COL4A3: variants seen among roughly 807,000 people sequenced by gnomAD.
The protein encoded by COL4A3 is collagen type IV alpha 3 chain.
In COL4A3, 135 loss-of-function variants were observed where a neutral mutation model predicts 217.4. The observed-to-expected ratio is 0.62, with a 90% CI of 0.54 to 0.72. The LOEUF (loss-of-function observed/expected upper bound fraction) is 0.72. COL4A3 is among the 30% of genes least tolerant of loss of function. The pLI is 0.00. For missense variants in COL4A3, 1,868 were observed against 2,119.9 expected, an observed-to-expected ratio of 0.88 and a Z score of 2.33; for synonymous variants, 690 against 736.3, an observed-to-expected ratio of 0.94 and a Z score of 1.02.
intron 1 of COL4A3, among the ~76,000 whole-genome samples, chr2:227,171,872 C>T (rs912381742): frequency 1.3e-5 from 2 of 152,180 alleles, no homozygotes; most frequent in African/African-American, 2.4e-5. Context: ...AGGCAAGTGC[C>T]TCGTTTCACC....
At chr2:227,213,478 T>G (rs10933170) in intron 1 of COL4A3, among the ~76,000 whole-genome samples, 84,473 of 152,030 alleles carry the variant, frequency 0.56, 25,359 homozygotes, top group Non-Finnish European at 0.68. Flanking sequence ...GTAAAGCCAT[T>G]ATTAGCTCAA....
Position 227,263,813 on chromosome 2 carries a change from G to A in COL4A3, c.1184G>A (p.Gly395Glu), listed in dbSNP as rs1131691738. 1.7e-5 allele frequency: 28 copies of A among 1,614,076 alleles called. No homozygotes were observed. The highest frequency in any genetic ancestry group is 2.3e-5 in the Non-Finnish European group (27 of 1,179,948). ...SSRPGLRGAP[G>E]WPGLKGSKGE... is the part of the protein sequence containing the mutation. ...AGGCCTGGCCTCAGAGGAGCCCCTG[G>A]ATGGCCAGGCCTGAAAGGAAGTAAA... is the stretch of plus-strand genomic sequence containing the variant. Residue 395 changes from glycine (G) to glutamate (E), a missense_variant, in exon 21 of 52, where the codon GGA (glycine) becomes GAA (glutamate). Physicochemically the swap from Gly to Glu is moderately conservative, Grantham distance 98. Coordinates refer to ENST00000396578, the MANE Select transcript of COL4A3 (RefSeq NM_000091.5).
At chr2:227,175,885 A>G (rs1021714349) in intron 1 of COL4A3, among the ~76,000 whole-genome samples, 6 of 152,212 alleles carry the variant, frequency 3.9e-5, no homozygotes, top group African/African-American at 1.2e-4. Context: ...CCACATATAA[A>G]ATGGTGTGAT....
chr2:227,192,988 C>G (rs900690169), intron 1 of COL4A3, among the ~76,000 whole-genome samples: 1 of 152,234 alleles, frequency 6.6e-6, no homozygotes, highest in South Asian at 2.1e-4. Flanking sequence ...TCAAATCACT[C>G]TAAGCTTTCT....
intron 34 of COL4A3, 63 bp from the exon 35 acceptor site, chr2:227,289,087 A>AT: frequency 7.7e-7 from 1 of 1,292,532 alleles, no homozygotes; most frequent in Non-Finnish European, 1.1e-6. Context: ...CGTAGCTGGG[A>AT]TTACAGGCAC....
intron 43 of COL4A3, among the ~76,000 whole-genome samples, chr2:227,302,677 C>CAAAAAGAAAAAATAAAAAAAAAA (rs2073340365): frequency 1.3e-5 from 1 of 79,916 alleles, no homozygotes; most frequent in Non-Finnish European, 2.2e-5. Context: ...ACTCTTTCTC[C>CAAAAAGAAAAAATAAAAAAAAAA]AAAAAAAAAA....
At chr2:227,200,277 G>A (rs543185549) in intron 1 of COL4A3, among the ~76,000 whole-genome samples, 2 of 152,250 alleles carry the variant, frequency 1.3e-5, no homozygotes, top group South Asian at 4.1e-4. Context: ...TTTTCCATTA[G>A]AACATTCTTG....
rs570294686 is a variant in COL4A3, at chr2:227,172,650, T to C, written c.87+7837T>C. 9.2e-5 allele frequency among the ~76,000 whole-genome samples: 13 copies of C among 140,944 alleles called. No homozygotes were observed. The South Asian group carries it at 2.8e-3, about 31-fold the overall frequency. The allele number at this position is 140,944 out of a possible 152,430, so 92.5% of individuals were successfully genotyped here. A position where few individuals can be genotyped will look rare whatever the true frequency, so the allele number is the denominator to read the frequency against. On this transcript the variant is annotated intron_variant, in intron 1 of 51. Transcript: ENST00000396578. ...TGCCCAGGCTAAAGTGCAGTGGCACTATCTTGGTTCACTGCAACCTCTGCC... is the reference window on the plus strand; with the variant it reads ...TGCCCAGGCTAAAGTGCAGTGGCACCATCTTGGTTCACTGCAACCTCTGCC...
At chr2:227,172,463 AAGAC>A (rs2065516003) in intron 1 of COL4A3, among the ~76,000 whole-genome samples, 2 of 151,992 alleles carry the variant, frequency 1.3e-5, no homozygotes, top group South Asian at 4.2e-4. Flanking sequence ...GTTGGGGAGA[AAGAC>A]AGAGAGAGAG....
At chr2:227,225,310 C>T (rs2068027582) in intron 1 of COL4A3, among the ~76,000 whole-genome samples, 1 of 152,202 alleles carries the variant, frequency 6.6e-6, no homozygotes. Flanking sequence ...TAATATGCGT[C>T]TCCACCTGCC....
At chr2:227,272,152 T>A (rs540566342) in intron 25 of COL4A3, among the ~76,000 whole-genome samples, 1 of 152,246 alleles carries the variant, frequency 6.6e-6, no homozygotes, top group Non-Finnish European at 1.5e-5. Flanking sequence ...GTGGTAGTTA[T>A]GCTTATAAAG....
chr2:227,282,528 A>G lies in COL4A3; in HGVS notation c.2652A>G (p.Pro884=). The G allele has an allele frequency of 6.2e-7, 1 of 1,613,360 alleles. No individual in the cohort carries two copies. Among genetic ancestry groups the G allele is most frequent in the Non-Finnish European group, 8.5e-7 (1 of 1,179,614 alleles). ...CAGGAAATCCGGGAATTTTAGGGCC[A>G]CCAGGTATCCTTTTGTGTGTTTCTA... ...GYPGNPGILG[P]PGEDGVIGMM... The change falls in exon 32 of 52, where the codon CCA becomes CCG. Residue 884 remains proline, a synonymous_variant. Coordinates refer to ENST00000396578, the MANE Select transcript of COL4A3 (RefSeq NM_000091.5). The surrounding 1 kb of genome is among the most constrained non-coding windows in gnomAD (Gnocchi z 4.4).
At chr2:227,309,354 A>T in intron 50 of COL4A3, 36 bp downstream of exon 50, 1 of 1,492,402 alleles carries the variant, frequency 6.7e-7, no homozygotes, top group Non-Finnish European at 9.3e-7. Flanking sequence ...TAGGGTAAAG[A>T]CTACCTGTAG....
chr2:227,178,152 T>G (rs541764786), intron 1 of COL4A3, among the ~76,000 whole-genome samples: 5 of 152,218 alleles, frequency 3.3e-5, no homozygotes, highest in African/African-American at 1.2e-4. Flanking sequence ...GGGCAAAAAG[T>G]TCACTGTATT....
At chr2:227,246,786 A>G (rs767127367) in intron 7 of COL4A3, 48 bp downstream of exon 7, 1 of 1,469,688 alleles carries the variant, frequency 6.8e-7, no homozygotes, top group South Asian at 1.1e-5. Flanking sequence ...AGTATAAATA[A>G]CAGTGGTCTA....
At chr2:227,188,191 C>G (rs1018230852) in intron 1 of COL4A3, among the ~76,000 whole-genome samples, 2 of 152,026 alleles carry the variant, frequency 1.3e-5, no homozygotes, top group African/African-American at 4.8e-5. Context: ...TTAGAGGAAT[C>G]CTGGCTTCTT....
In COL4A3 at chr2:227,275,141, G is replaced by T. The variant is rs543479841; in HGVS notation, c.1928-1244G>T. On this transcript the variant is annotated intron_variant, in intron 26 of 51. Coordinates refer to ENST00000396578, the MANE Select transcript of COL4A3 (RefSeq NM_000091.5). ...GCCCTTTACAGCAAAAGTTTATTTA[G>T]CCCTGTTCTAATCCATCACCAAATG... Among the ~76,000 whole-genome samples, 6 of 152,010 alleles carry T rather than the reference G, an allele frequency of 3.9e-5. No individual in the cohort carries two copies. In the South Asian group the frequency reaches 1.3e-3, roughly 32 times the overall value.
intron 5 of COL4A3, chr2:227,245,720 G>C: frequency 1.7e-6 from 1 of 576,630 alleles, no homozygotes. Context: ...ATGGATAAAA[G>C]GCGTTTGCTT....
intron 2 of COL4A3, among the ~76,000 whole-genome samples, 182 bp from the exon 3 acceptor site, chr2:227,239,958 CTGG>C (rs1479591043): frequency 6.6e-6 from 1 of 152,202 alleles, no homozygotes; most frequent in African/African-American, 2.4e-5. Context: ...ATACTAACAA[CTGG>C]TAGCTTTCTG....
Sources: allele counts gnomAD v4.1 joint callset (sites outside exome capture counted in the v4.1 genomes callset), GRCh38; gene constraint gnomAD v4.1.1; non-coding constraint Gnocchi (gnomAD v3.1); transcripts MANE v1.5; gene names NCBI Gene and HGNC (gene_info 2026-07-23, HGNC 2026-07-21).